Variants in EPS15 observed in about 807,000 individuals in gnomAD.
The protein encoded by EPS15 is epidermal growth factor receptor substrate 15.
A neutral mutation model predicts 113.8 loss-of-function variants in EPS15; 72 were observed. That is an observed-to-expected ratio of 0.63 (90% confidence interval 0.52 to 0.77). The LOEUF is 0.77. Ranked by LOEUF, EPS15 falls within the 30% of genes least tolerant of loss-of-function variation. The pLI, the probability that EPS15 is intolerant of heterozygous loss-of-function variation, is 0.00. For missense variants in EPS15, 1,048 were observed against 1,045.8 expected (o/e 1.00, Z -0.03); for synonymous variants, 344 against 363.4 (o/e 0.95, Z 0.61).
chr1:51,433,432 A>G (rs549433845), intron 12 of EPS15, among the ~76,000 whole-genome samples: 111 of 152,374 alleles, frequency 7.3e-4, no homozygotes, highest in African/African-American at 2.6e-3. Flanking sequence ...TATCCAGGTC[A>G]TGTCAGGCAA....
chr1:51,480,489 G>GT (rs1366505471), intron 2 of EPS15, among the ~76,000 whole-genome samples: 1 of 152,118 alleles, frequency 6.6e-6, no homozygotes, highest in Non-Finnish European at 1.5e-5. Flanking sequence ...GTAAATCTCT[G>GT]TAACTCATAT....
chr1:51,391,083 G>C (rs1647304062), intron 21 of EPS15, among the ~76,000 whole-genome samples: 1 of 152,212 alleles, frequency 6.6e-6, no homozygotes, highest in African/African-American at 2.4e-5. Context: ...ATCAATGATA[G>C]ACTGGATTAA....
At chr1:51,367,420 G>A (rs1012166642) in intron 21 of EPS15, among the ~76,000 whole-genome samples, 7 of 152,070 alleles carry the variant, frequency 4.6e-5, no homozygotes, top group African/African-American at 1.7e-4. Context: ...GGGCGTGGTG[G>A]TGCGTGCCTG....
rs1323507350 is a variant in EPS15 at position 51,356,491 on chromosome 1, T to C, written c.*209A>G. On this transcript the variant is annotated 3_prime_UTR_variant, in exon 25 of 25. Transcript: ENST00000371733. The stretch of plus-strand genomic sequence containing the variant: ...AGGGGCCTAAGTGAAGGTGAATTTG[T>C]CTGACTGGGTTACGGCTTTTATAAG... The C allele has an allele frequency of 1.1e-5, 5 of 469,702 alleles. No individual in the cohort carries two copies. The highest frequency in any genetic ancestry group is 3.9e-5 in the Admixed American group (1 of 25,334). The allele number at this position is 469,702 out of a possible 1,614,324, so 29.1% of individuals were successfully genotyped here.
chr1:51,358,688 C>T (rs922007307), intron 24 of EPS15, among the ~76,000 whole-genome samples: 1 of 150,050 alleles, frequency 6.7e-6, no homozygotes, highest in Non-Finnish European at 1.5e-5. Context: ...AGACTCCTTC[C>T]AACCAGATTT....
intron 1 of EPS15, among the ~76,000 whole-genome samples, chr1:51,516,257 A>C (rs1433692735): frequency 2.6e-5 from 4 of 152,238 alleles, no homozygotes; most frequent in Admixed American, 2.0e-4. Context: ...AGATCAGCTA[A>C]TTCAAACTCC....
At chr1:51,453,459 T>C (rs1305658754) in intron 8 of EPS15, among the ~76,000 whole-genome samples, 6 of 152,144 alleles carry the variant, frequency 3.9e-5, no homozygotes, top group South Asian at 4.1e-4. Context: ...TCTTATTATA[T>C]TGTACTTATT....
intron 21 of EPS15, among the ~76,000 whole-genome samples, chr1:51,384,279 T>C (rs1199490131): frequency 6.8e-6 from 1 of 148,004 alleles, no homozygotes; most frequent in East Asian, 2.0e-4. Context: ...CAAAGCAGTC[T>C]TTTTCTTTTT....
chr1:51,408,374 A>G (rs1557439706), intron 14 of EPS15, 42 bp from the exon 15 acceptor site: 6 of 1,412,276 alleles, frequency 4.2e-6, no homozygotes, highest in Admixed American at 1.7e-5. Context: ...GGATTAAAAG[A>G]AGAGATGTCA....
At chr1:51,363,774 TTAAAGCCATTTATA>T in intron 23 of EPS15, 78 bp downstream of exon 23, 1 of 1,231,516 alleles carries the variant, frequency 8.1e-7, no homozygotes, top group Non-Finnish European at 1.1e-6. Flanking sequence ...CTTGTTTCAC[TTAAAGCCATTTATA>T]TAAGTAAGTT....
chr1:51,358,557 T>G (rs1240923371), intron 24 of EPS15, among the ~76,000 whole-genome samples: 2 of 152,200 alleles, frequency 1.3e-5, no homozygotes, highest in African/African-American at 4.8e-5. Flanking sequence ...TAAGCAAAAC[T>G]TTGAAACGTG....
intron 16 of EPS15, among the ~76,000 whole-genome samples, chr1:51,404,120 G>A (rs947017044): frequency 6.6e-6 from 1 of 152,028 alleles, no homozygotes; most frequent in African/African-American, 2.4e-5. Context: ...GCCGAGGCAG[G>A]CAGATCACAA....
chr1:51,383,937 T>A (rs192786369), intron 21 of EPS15, among the ~76,000 whole-genome samples: 1 of 152,152 alleles, frequency 6.6e-6, no homozygotes, highest in South Asian at 2.1e-4. Flanking sequence ...CATATTTCTA[T>A]ATACCAACAA....
intron 1 of EPS15, among the ~76,000 whole-genome samples, chr1:51,517,884 T>C (rs1212735241): frequency 6.6e-6 from 1 of 152,182 alleles, no homozygotes; most frequent in East Asian, 1.9e-4. Flanking sequence ...AAACATTTTT[T>C]TCTCTCTATC....
rs1396276839 is a variant in EPS15, at chr1:51,481,261, C to T, written c.75+12G>A. ...TGTTCAATCCAGGCAAACAATGAAA[C>T]AAAAATCTTACCTGTCTATAGTATT... On this transcript the variant is annotated intron_variant, in intron 2 of 24. Coordinates refer to ENST00000371733, the MANE Select transcript of EPS15 (RefSeq NM_001981.3). The T allele has an allele frequency of 7.6e-7, 1 of 1,323,216 alleles. No homozygotes were observed. The highest frequency in any genetic ancestry group is 1.1e-6 in the Non-Finnish European group (1 of 918,244). 82.0% of individuals were successfully genotyped at this position (1,323,216 alleles called of 1,614,324 possible). A position where few individuals can be genotyped will look rare whatever the true frequency, so the allele number is the denominator to read the frequency against.
chr1:51,470,646 C>CAAAAAAAAAAAAAAAAAAAAAAAAAA (rs10616476), intron 4 of EPS15, among the ~76,000 whole-genome samples: 1 of 72,996 alleles, frequency 1.4e-5, no homozygotes. Flanking sequence ...GGCTCTGTCT[C>CAAAAAAAAAAAAAAAAAAAAAAAAAA]AAAAAAAAAA....
At position 51,452,755 on chromosome 1, in the gene EPS15, C is replaced by G. The variant is rs955940529; in HGVS notation, c.562-4620G>C. Reference sequence around the variant, plus strand: ...AATTTGATCAGCTTTATTAGCAGCACATATGTAATCTTACAATACCACGCT... The same window carrying G: ...AATTTGATCAGCTTTATTAGCAGCAGATATGTAATCTTACAATACCACGCT... On this transcript the variant is annotated intron_variant, in intron 8 of 24. Coordinates refer to ENST00000371733, the MANE Select transcript of EPS15 (RefSeq NM_001981.3). 2.0e-5 allele frequency among the ~76,000 whole-genome samples: 3 copies of G among 152,180 alleles called. No individual in the cohort carries two copies. In the East Asian group the frequency reaches 5.8e-4, roughly 29 times the overall value.
intron 13 of EPS15, among the ~76,000 whole-genome samples, chr1:51,411,148 AAATAG>A (rs1179318537): frequency 2.0e-5 from 3 of 152,238 alleles, no homozygotes; most frequent in Admixed American, 2.0e-4. Context: ...TTCTGTGATT[AAATAG>A]AACACTGAAC....
At chr1:51,431,471 A>T (rs1013136699) in intron 12 of EPS15, among the ~76,000 whole-genome samples, 21 of 151,464 alleles carry the variant, frequency 1.4e-4, no homozygotes, top group Non-Finnish European at 3.1e-4. Flanking sequence ...TTGGAGACAG[A>T]GTCTCACTCT....
Sources: gnomAD v4.1 joint callset for allele counts (sites outside exome capture counted in the v4.1 genomes callset) on GRCh38, gnomAD v4.1.1 for gene constraint, MANE v1.5 for transcripts, NCBI Gene and HGNC (gene_info 2026-07-23, HGNC 2026-07-21) for gene names.